The following ERC2 variants were observed in gnomAD, a reference collection of about 807,000 sequenced individuals.
ERC2 encodes ERC protein 2.
Under a neutral mutation model 114.8 loss-of-function variants are expected in ERC2, and 42 were observed. The observed-to-expected ratio is 0.37, with a 90% confidence interval of 0.29 to 0.47. The LOEUF is 0.47. Among genes scored for constraint, ERC2 ranks in the 20% least tolerant of loss-of-function variants. The pLI, the probability that ERC2 is intolerant of heterozygous loss-of-function variation, is 0.99. For synonymous variants in ERC2, 454 were observed against 425.5 expected, an observed-to-expected ratio of 1.07 and a Z score of -0.82; for missense variants, 939 against 1,150.7, an observed-to-expected ratio of 0.82 and a Z score of 2.66.
At position 56,230,642 on chromosome 3, in the gene ERC2, A is replaced by C. The variant is rs1199380181; in HGVS notation, c.1075-57122T>G. 2.0e-5 allele frequency among the ~76,000 whole-genome samples: 3 copies of C among 152,218 alleles called. No homozygotes were observed. The East Asian group carries it at 5.8e-4, about 29-fold the overall frequency. On this transcript the variant is annotated intron_variant, in intron 3 of 17. Coordinates refer to ENST00000288221, the MANE Select transcript of ERC2 (RefSeq NM_015576.3). ...TGAATTCAAAGTCATTGCTCAGGAA[A>C]AAAAAAAGAATTTTATAATTTATGT...
At chr3:56,390,698 T>C (rs1369056756) in intron 2 of ERC2, among the ~76,000 whole-genome samples, 1 of 152,192 alleles carries the variant, frequency 6.6e-6, no homozygotes, top group Non-Finnish European at 1.5e-5. Flanking sequence ...TAAGTTATCT[T>C]TGGTTTTGTT....
chr3:56,006,183 T>A (rs895498896), intron 10 of ERC2, among the ~76,000 whole-genome samples: 28 of 152,102 alleles, frequency 1.8e-4, no homozygotes, highest in African/African-American at 6.8e-4. Flanking sequence ...AACATCTCTG[T>A]AAAGTGAATA....
intron 17 of ERC2, among the ~76,000 whole-genome samples, chr3:55,628,140 A>G (rs1453918009): frequency 2.0e-5 from 3 of 152,150 alleles, no homozygotes; most frequent in African/African-American, 4.8e-5. Flanking sequence ...AGCATTTTGT[A>G]TCTTTTCTCC....
chr3:55,610,070 A>C (rs866597139), intron 17 of ERC2, among the ~76,000 whole-genome samples: 3,276 of 149,990 alleles, frequency 0.022, 92 homozygotes, highest in African/African-American at 0.065. Flanking sequence ...CAAACAAAAA[A>C]AAAAAAAAAA....
chr3:55,572,588 A>C (rs2056774472), intron 17 of ERC2, among the ~76,000 whole-genome samples: 1 of 152,230 alleles, frequency 6.6e-6, no homozygotes, highest in South Asian at 2.1e-4. Context: ...TGTATTCTTG[A>C]CAGCCAAGTC....
chr3:56,221,583 A>G, intron 3 of ERC2, among the ~76,000 whole-genome samples: 1 of 152,158 alleles, frequency 6.6e-6, no homozygotes, highest in Non-Finnish European at 1.5e-5. Context: ...ACCTACCTCC[A>G]TGTAAACATC....
At chr3:55,700,818 T>C (rs931447289) in intron 15 of ERC2, among the ~76,000 whole-genome samples, 1 of 152,198 alleles carries the variant, frequency 6.6e-6, no homozygotes, top group Non-Finnish European at 1.5e-5. Flanking sequence ...CTTGAAGCTA[T>C]TTCTTTCATC....
At chr3:56,012,321 T>C (rs149484980) in intron 8 of ERC2, among the ~76,000 whole-genome samples, 11 of 152,298 alleles carry the variant, frequency 7.2e-5, no homozygotes, top group Middle Eastern at 6.8e-3. Flanking sequence ...AAAGGACCTG[T>C]CGTCTCACTA....
intron 3 of ERC2, among the ~76,000 whole-genome samples, chr3:56,189,067 CAG>C (rs61347507): frequency 0.079 from 12,040 of 152,164 alleles, 634 homozygotes; most frequent in Admixed American, 0.15. Context: ...AGGAGGAAAC[CAG>C]AGTCTTGAAG....
intron 2 of ERC2, among the ~76,000 whole-genome samples, chr3:56,396,830 G>C (rs1267906220): frequency 6.6e-6 from 1 of 152,126 alleles, no homozygotes; most frequent in Admixed American, 6.6e-5. Context: ...ACAGGAGATA[G>C]AAATTACAAC....
At chr3:55,996,190 A>G (rs1257807834) in intron 10 of ERC2, among the ~76,000 whole-genome samples, 1 of 152,204 alleles carries the variant, frequency 6.6e-6, no homozygotes, top group Admixed American at 6.5e-5. Flanking sequence ...TAGCTCCCCA[A>G]CAAGGTCTGG....
chr3:56,042,400 G>T (rs1473204181), intron 7 of ERC2, among the ~76,000 whole-genome samples: 1 of 152,186 alleles, frequency 6.6e-6, no homozygotes, highest in Non-Finnish European at 1.5e-5. Flanking sequence ...CTATCGTGGG[G>T]CTGGCACATA....
intron 17 of ERC2, among the ~76,000 whole-genome samples, chr3:55,614,429 T>C (rs1575776621): frequency 6.6e-6 from 1 of 152,156 alleles, no homozygotes. Context: ...CTCACTACTC[T>C]CCAGTTCTGC....
intron 3 of ERC2, among the ~76,000 whole-genome samples, chr3:56,211,581 C>T (rs895089735): frequency 1.3e-5 from 2 of 151,816 alleles, no homozygotes; most frequent in Non-Finnish European, 2.9e-5. Flanking sequence ...GCATTCTTCA[C>T]AGAAGTAGAA....
Position 56,259,647 on chromosome 3 carries a change from T to TGATATGATA in ERC2, c.1074+36371_1074+36372insTATCATATC, listed in dbSNP as rs1553899549. On this transcript the variant is annotated intron_variant, in intron 3 of 17. Coordinates refer to ENST00000288221, the MANE Select transcript of ERC2 (RefSeq NM_015576.3). ...TATAGTATGTAATTCTGGTACAGAT[T>TGATATGATA]TGATATGATATGATATGATATGATA... is the stretch of plus-strand genomic sequence containing the variant. Among the ~76,000 whole-genome samples the TGATATGATA allele has an allele frequency of 3.7e-3, 539 of 144,098 alleles. 6 individuals carry two copies. Among genetic ancestry groups the TGATATGATA allele is most frequent in the East Asian group, 0.029 (144 of 4,938 alleles). The allele number at this position is 144,098 out of a possible 152,430, so 94.5% of individuals were successfully genotyped here.
At chr3:55,868,653 C>T (rs1042255478) in intron 14 of ERC2, among the ~76,000 whole-genome samples, 2 of 152,168 alleles carry the variant, frequency 1.3e-5, no homozygotes, top group Non-Finnish European at 2.9e-5. Flanking sequence ...TAATTTTGAT[C>T]ATTATTACTT....
chr3:56,432,743 G>T (rs563244341), intron 2 of ERC2, among the ~76,000 whole-genome samples: 1 of 152,198 alleles, frequency 6.6e-6, no homozygotes, highest in South Asian at 2.1e-4. Context: ...AGAGCACTTC[G>T]TTAGACCAAC....
chr3:55,782,489 T>C (rs1266287369), intron 14 of ERC2, among the ~76,000 whole-genome samples: 2 of 152,210 alleles, frequency 1.3e-5, no homozygotes, highest in Admixed American at 1.3e-4. Flanking sequence ...CAGGCTGCCA[T>C]CACCTTATAT....
chr3:55,589,794 A>G (rs1315359136), intron 17 of ERC2, among the ~76,000 whole-genome samples: 1 of 152,102 alleles, frequency 6.6e-6, no homozygotes, highest in Non-Finnish European at 1.5e-5. Flanking sequence ...AGTCAGGGGC[A>G]AGGTGAAGTT....
Sources: allele counts gnomAD v4.1 joint callset (sites outside exome capture counted in the v4.1 genomes callset), GRCh38; gene constraint gnomAD v4.1.1; transcripts MANE v1.5; gene names NCBI Gene and HGNC (gene_info 2026-07-23, HGNC 2026-07-21).